IFT56: variants seen among roughly 807,000 people sequenced by gnomAD.
The protein encoded by IFT56 is intraflagellar transport 56, also known as intraflagellar transport protein 56.
the IFT56 span, among the ~76,000 whole-genome samples, chr7:139,153,897 T>C: frequency 6.6e-6 from 1 of 152,214 alleles, no homozygotes; most frequent in African/African-American, 2.4e-5. Flanking sequence ...GTATATGTAA[T>C]TGTCTGGGGA....
At chr7:139,173,941 CACT>C in the IFT56 span, 2 of 690,232 alleles carry the variant, frequency 2.9e-6, no homozygotes, top group Non-Finnish European at 5.4e-6. Flanking sequence ...TCACTTTCTT[CACT>C]TATTCTTCAT....
chr7:139,178,188 T>C, the IFT56 span: 54 of 1,544,548 alleles, frequency 3.5e-5, no homozygotes, highest in Non-Finnish European at 4.8e-5. Flanking sequence ...TGAATATATG[T>C]GGGGTTTTTT....
At chr7:139,137,087 C>G in the IFT56 span, among the ~76,000 whole-genome samples, 1 of 152,012 alleles carries the variant, frequency 6.6e-6, no homozygotes, top group Non-Finnish European at 1.5e-5. Context: ...TAGTGATGCT[C>G]CATAAATATG....
At chr7:139,168,031 A>G in the IFT56 span, among the ~76,000 whole-genome samples, 41 of 152,276 alleles carry the variant, frequency 2.7e-4, no homozygotes, top group Middle Eastern at 3.4e-3. Flanking sequence ...AAATTATTAT[A>G]TCAACATTTT....
the IFT56 span, among the ~76,000 whole-genome samples, chr7:139,158,452 A>C: frequency 6.6e-6 from 1 of 152,188 alleles, no homozygotes; most frequent in African/African-American, 2.4e-5. Context: ...AGATTTTTAA[A>C]GATATCCTTT....
chr7:139,146,553 G>A, the IFT56 span, among the ~76,000 whole-genome samples: 3 of 152,070 alleles, frequency 2.0e-5, no homozygotes, highest in Non-Finnish European at 2.9e-5. Context: ...GGATCACGAC[G>A]TCAGGAGTTC....
the IFT56 span, among the ~76,000 whole-genome samples, chr7:139,162,199 AC>A: frequency 3.9e-5 from 6 of 152,352 alleles, no homozygotes; most frequent in African/African-American, 1.2e-4. Context: ...TTACAACTGC[AC>A]ATTTTAGTCA....
chr7:139,166,687 A>T, the IFT56 span, among the ~76,000 whole-genome samples: 19 of 152,190 alleles, frequency 1.2e-4, no homozygotes, highest in African/African-American at 4.6e-4. Context: ...TAGCATAACT[A>T]CTCAACACCG....
At chr7:139,151,811 C>T in the IFT56 span, among the ~76,000 whole-genome samples, 1 of 152,144 alleles carries the variant, frequency 6.6e-6, no homozygotes, top group African/African-American at 2.4e-5. Flanking sequence ...CCTGTAATCC[C>T]AGAACTTTGG....
chr7:139,153,404 T>A, the IFT56 span, among the ~76,000 whole-genome samples: 1 of 151,686 alleles, frequency 6.6e-6, no homozygotes, highest in Non-Finnish European at 1.5e-5. Flanking sequence ...TGAGCTGAGA[T>A]TGCACCAATG....
At chr7:139,189,608 G>C in the IFT56 span, 1 of 545,458 alleles carries the variant, frequency 1.8e-6, no homozygotes, top group African/African-American at 1.9e-5. Context: ...GCTGAACAGA[G>C]TGCCATAGTC....
At chr7:139,140,936 C>T in the IFT56 span, among the ~76,000 whole-genome samples, 2 of 146,802 alleles carry the variant, frequency 1.4e-5, no homozygotes, top group Admixed American at 6.7e-5. Context: ...TCATGGCAAA[C>T]ATGGAACTTG....
chr7:139,184,501 TTA>T, the IFT56 span, among the ~76,000 whole-genome samples: 1,650 of 152,286 alleles, frequency 0.011, 27 homozygotes, highest in African/African-American at 0.038. Flanking sequence ...AATGACAAAA[TTA>T]TTGAGATAGA....
chr7:139,188,470 G>A, the IFT56 span, among the ~76,000 whole-genome samples: 21 of 152,248 alleles, frequency 1.4e-4, no homozygotes, highest in South Asian at 4.4e-3. Flanking sequence ...TTCATGGAAT[G>A]TATTTATTAC....
the IFT56 span, chr7:139,134,910 A>G: frequency 1.0e-6 from 1 of 989,940 alleles, no homozygotes; most frequent in Non-Finnish European, 1.4e-6. Context: ...GGCTTCCTGT[A>G]CAAATCCCCT....
chr7:139,176,411 T>A, the IFT56 span, among the ~76,000 whole-genome samples: 3 of 152,130 alleles, frequency 2.0e-5, no homozygotes, highest in African/African-American at 7.2e-5. Flanking sequence ...TTTAATTAAG[T>A]TTTTCTTTCC....
chr7:139,173,523 C>A, the IFT56 span: 1 of 759,198 alleles, frequency 1.3e-6, no homozygotes, highest in South Asian at 1.4e-5. Flanking sequence ...GCCACCGCAC[C>A]CGGCAAAGTC....
At chr7:139,135,680 G>C in the IFT56 span, among the ~76,000 whole-genome samples, 10 of 152,296 alleles carry the variant, frequency 6.6e-5, no homozygotes, top group African/African-American at 2.4e-4. Context: ...GCTTCTGATG[G>C]AGATGGTCCC....
At chr7:139,172,883 A>G in the IFT56 span, 18 of 697,828 alleles carry the variant, frequency 2.6e-5, no homozygotes, top group Admixed American at 2.5e-4. Context: ...ATAGGTGAAG[A>G]CAATCTGCTA....
Sources: allele counts gnomAD v4.1 joint callset (sites outside exome capture counted in the v4.1 genomes callset), GRCh38; gene constraint gnomAD v4.1.1; transcripts MANE v1.5; gene names NCBI Gene and HGNC (gene_info 2026-07-23, HGNC 2026-07-21).